CRYBG1: variants seen among roughly 807,000 people sequenced by gnomAD.
CRYBG1 encodes crystallin beta-gamma domain containing 1.
CRYBG1 carries 139 observed loss-of-function variants against 189.2 expected under a neutral mutation model. The ratio of observed to expected loss-of-function variants is 0.73; its 90% confidence interval spans 0.64 to 0.85. The LOEUF (loss-of-function observed/expected upper bound fraction) is 0.85. Among genes scored for constraint, CRYBG1 ranks in the 40% least tolerant of loss-of-function variants. The probability of loss-of-function intolerance (pLI) is 0.00; values close to 1 mark genes in which losing one functional copy is unlikely to be tolerated. For synonymous variants in CRYBG1, 1,023 were observed against 1,017.1 expected (o/e 1.01, Z -0.11); for missense variants, 2,611 against 2,675.8 (o/e 0.98, Z 0.53).
intron 10 of CRYBG1, among the ~76,000 whole-genome samples, chr6:106,542,989 TTTTATTTTATTTTA>T (rs1774169411): frequency 6.7e-6 from 1 of 150,284 alleles, no homozygotes; most frequent in Non-Finnish European, 1.5e-5. Flanking sequence ...TTTTATTTTA[TTTTATTTTATTTTA>T]TTTATTTTAA....
At chr6:106,382,920 CATGACTTTATTATTATT>C (rs1332193579) in intron 1 of CRYBG1, among the ~76,000 whole-genome samples, 1 of 152,152 alleles carries the variant, frequency 6.6e-6, no homozygotes, top group Non-Finnish European at 1.5e-5. Flanking sequence ...ATTAGAACAT[CATGACTTTATTATTATT>C]AAGTAATCTG....
At chr6:106,397,065 A>G (rs55974983) in intron 1 of CRYBG1, among the ~76,000 whole-genome samples, 15,378 of 152,258 alleles carry the variant, frequency 0.1, 831 homozygotes, top group East Asian at 0.15. Context: ...TGAAGTCATA[A>G]TATTAAGAGC....
chr6:106,511,680 AGAATC>A lies in CRYBG1; in HGVS notation c.564_568del (p.Glu188AspfsTer19). The A allele has an allele frequency of 6.5e-7, 1 of 1,535,556 alleles. No homozygotes were observed. Among genetic ancestry groups the A allele is most frequent in the South Asian group, 1.2e-5 (1 of 84,050 alleles). ...ACAAGCGAGGAGGGCTCCCCGCGGGAGAATCCCCGAGAGGCAGAGGGCGAGCTCCC... is the reference window on the plus strand; with the variant it reads ...ACAAGCGAGGAGGGCTCCCCGCGGGACCCGAGAGGCAGAGGGCGAGCTCCC... On this transcript the variant is annotated frameshift_variant, in exon 3 of 22. Coordinates refer to ENST00000633556, the MANE Select transcript of CRYBG1 (RefSeq NM_001371242.2). LOFTEE classifies it high-confidence loss of function.
intron 1 of CRYBG1, among the ~76,000 whole-genome samples, chr6:106,412,709 A>G (rs1016299001): frequency 1.4e-4 from 21 of 152,208 alleles, no homozygotes; most frequent in African/African-American, 4.8e-4. Flanking sequence ...AAGTTGGGAA[A>G]CATTAAAACA....
intron 1 of CRYBG1, among the ~76,000 whole-genome samples, chr6:106,371,547 A>C (rs1770032626): frequency 6.6e-6 from 1 of 152,174 alleles, no homozygotes; most frequent in Admixed American, 6.5e-5. Context: ...CAAGGGTGGG[A>C]TTACCGAACT....
chr6:106,462,854 G>A (rs1354920976), intron 2 of CRYBG1, among the ~76,000 whole-genome samples: 1 of 152,294 alleles, frequency 6.6e-6, no homozygotes, highest in Non-Finnish European at 1.5e-5. Context: ...CCCAATTCCT[G>A]TTTGTAAAAG....
rs140376200 is a variant in CRYBG1 at position 106,561,408 on chromosome 6, G to A, written c.6046G>A (p.Glu2016Lys). 3 of 1,614,172 alleles carry A rather than the reference G, an allele frequency of 1.9e-6. No homozygotes were observed. Among genetic ancestry groups the A allele is most frequent in the Middle Eastern group, 1.6e-4 (1 of 6,062 alleles). ...ATTCATGTCAACCAATGGAAACTTA[G>A]AGGATCTGAAGCTTCTGAGGATACA... ...GLFMSTNGNL[E>K]DLKLLRIQVM... The change falls in exon 20 of 22, where the codon GAG (glutamate) becomes AAG (lysine). Residue 2016 changes from glutamate to lysine, a missense_variant. Physicochemically the swap from Glu to Lys is moderately conservative, Grantham distance 56. This residue lies in a region of CRYBG1 where 1,622 missense variants were observed against 1,735.0 expected (regional missense o/e 0.93). Transcript: ENST00000633556.
At chr6:106,541,357 T>C (rs893639123) in intron 9 of CRYBG1, 28 of 671,664 alleles carry the variant, frequency 4.2e-5, no homozygotes, top group African/African-American at 4.1e-4. Flanking sequence ...AAAACACTCC[T>C]ACAACGCAGA....
chr6:106,406,889 A>G (rs954832412), intron 1 of CRYBG1, among the ~76,000 whole-genome samples: 1 of 152,358 alleles, frequency 6.6e-6, no homozygotes, highest in African/African-American at 2.4e-5. Flanking sequence ...AGGAAGCACT[A>G]AATATGGAAA....
chr6:106,529,169 C>T (rs750161258), intron 7 of CRYBG1, among the ~76,000 whole-genome samples: 7 of 152,162 alleles, frequency 4.6e-5, no homozygotes, highest in African/African-American at 1.4e-4. Flanking sequence ...TGCTCTCGAA[C>T]GCCTGACCTC....
At chr6:106,378,450 G>A (rs566213222) in intron 1 of CRYBG1, among the ~76,000 whole-genome samples, 13 of 152,260 alleles carry the variant, frequency 8.5e-5, no homozygotes, top group Non-Finnish European at 1.5e-4. Context: ...CACTCACCTC[G>A]GTTTTGCACC....
chr6:106,377,147 G>A (rs1770181566), intron 1 of CRYBG1, among the ~76,000 whole-genome samples: 1 of 152,022 alleles, frequency 6.6e-6, no homozygotes, highest in Non-Finnish European at 1.5e-5. Flanking sequence ...CTGGGCTTTC[G>A]TGACTATTTC....
chr6:106,547,365 G>A (rs1582831650), intron 13 of CRYBG1, among the ~76,000 whole-genome samples: 1 of 152,210 alleles, frequency 6.6e-6, no homozygotes, highest in Non-Finnish European at 1.5e-5. Context: ...AGAAGTTACG[G>A]TATTTATGTA....
intron 1 of CRYBG1, among the ~76,000 whole-genome samples, chr6:106,419,453 G>T (rs897971147): frequency 6.6e-6 from 1 of 152,158 alleles, no homozygotes; most frequent in Non-Finnish European, 1.5e-5. Flanking sequence ...TGTGATCACG[G>T]CTCACTGCAG....
At chr6:106,494,428 TC>T (rs1385391494) in intron 2 of CRYBG1, among the ~76,000 whole-genome samples, 6 of 152,170 alleles carry the variant, frequency 3.9e-5, no homozygotes, top group Non-Finnish European at 7.3e-5. Flanking sequence ...GAATAGCATT[TC>T]AAATGCATAT....
Position 106,546,366 on chromosome 6 carries a change from A to G in CRYBG1, c.5312+1433A>G, listed in dbSNP as rs369964117. On this transcript the variant is annotated intron_variant, in intron 13 of 21. Transcript: ENST00000633556. ...AAATAATGTGACATTGGTTATGCTG[A>G]AAGTGTTTGGTGTTAGGTTTTTGTT... is the stretch of plus-strand genomic sequence containing the variant. Among the ~76,000 whole-genome samples the G allele has an allele frequency of 4.5e-4, 69 of 152,340 alleles. 1 individual carries two copies. Among genetic ancestry groups the G allele is most frequent in the African/African-American group, 1.5e-3 (62 of 41,570 alleles).
chr6:106,388,512 T>C (rs1048643572), intron 1 of CRYBG1, among the ~76,000 whole-genome samples: 3 of 152,196 alleles, frequency 2.0e-5, no homozygotes, highest in South Asian at 4.1e-4. Context: ...AAGGCTCTTA[T>C]GGTTTAATAA....
intron 2 of CRYBG1, among the ~76,000 whole-genome samples, chr6:106,483,402 A>ATATATATGTATATATATATAT (rs1361096436): frequency 1.1e-5 from 1 of 88,308 alleles, no homozygotes; most frequent in African/African-American, 3.1e-5. Context: ...ATATATATAT[A>ATATATATGTATATATATATAT]AAACATTTTC....
chr6:106,410,410 T>C lies in CRYBG1; in HGVS notation c.174-41284T>C, dbSNP rs971704312. Among the ~76,000 whole-genome samples, 4 of 152,240 alleles carry C rather than the reference T, an allele frequency of 2.6e-5. 1 individual carries two copies. The highest frequency in any genetic ancestry group is 5.9e-5 in the Non-Finnish European group (4 of 68,040). ...AGAGGATGTGGAGAAATAGGAACAC[T>C]TTTACACAGTTGGTGGGAGTGTAAA... On this transcript the variant is annotated intron_variant, in intron 1 of 21. Transcript: ENST00000633556.
Sources: gnomAD v4.1 joint callset for allele counts (sites outside exome capture counted in the v4.1 genomes callset) on GRCh38, gnomAD v4.1.1 for gene constraint, gnomAD v4.1.1 regional missense constraint, MANE v1.5 for transcripts, NCBI Gene and HGNC (gene_info 2026-07-23, HGNC 2026-07-21) for gene names.